CERS3: variants seen among roughly 807,000 people sequenced by gnomAD.
CERS3 encodes the protein ceramide synthase 3.
In CERS3, 33 loss-of-function variants were observed where a neutral mutation model predicts 50.3. That is an observed-to-expected ratio of 0.66 (90% CI 0.50 to 0.88). CERS3 has a LOEUF of 0.88. Ranked by LOEUF, CERS3 falls within the 40% of genes least tolerant of loss-of-function variation. The pLI is 0.00. For synonymous variants in CERS3, 176 were observed against 155.2 expected (o/e 1.13, Z -0.99); for missense variants, 470 against 460.3 (o/e 1.02, Z -0.19).
At chr15:100,491,584 T>C (rs762124754) in intron 3 of CERS3, among the ~76,000 whole-genome samples, 2 of 152,178 alleles carry the variant, frequency 1.3e-5, no homozygotes, top group Non-Finnish European at 2.9e-5. Context: ...ATCTTTATTA[T>C]TTCCTATCTT....
chr15:100,423,812 C>T (rs1401270972), intron 11 of CERS3, among the ~76,000 whole-genome samples: 1 of 152,156 alleles, frequency 6.6e-6, no homozygotes, highest in African/African-American at 2.4e-5. Flanking sequence ...GTGCCTGCTT[C>T]CTCTTCACCT....
chr15:100,470,627 G>A (rs546540492), intron 9 of CERS3, among the ~76,000 whole-genome samples: 10 of 152,214 alleles, frequency 6.6e-5, no homozygotes, highest in Admixed American at 1.3e-4. Context: ...CATTTGTGAG[G>A]GTGAAGTAAC....
chr15:100,467,850 T>TATAGATAGATAGATAGATAGATAG lies in CERS3; in HGVS notation c.845+1504_845+1527dup, dbSNP rs1555528323. Among the ~76,000 whole-genome samples, 92 of 93,138 alleles carry TATAGATAGATAGATAGATAGATAG rather than the reference T, an allele frequency of 9.9e-4. 2 individuals carry two copies. Among genetic ancestry groups the TATAGATAGATAGATAGATAGATAG allele is most frequent in the East Asian group, 5.0e-3 (18 of 3,572 alleles). 61.1% of individuals were successfully genotyped at this position (93,138 alleles called of 152,430 possible). ...ATATATATACGTGTATATATATATATATAGATAGATAGATAGATAGATAGA... is the reference window on the plus strand; with the variant it reads ...ATATATATACGTGTATATATATATATATAGATAGATAGATAGATAGATAGATAGATAGATAGATAGATAGATAGA... On this transcript the variant is annotated intron_variant, in intron 10 of 11. Transcript: ENST00000679737.
chr15:100,450,998 T>G (rs568082441), intron 11 of CERS3, among the ~76,000 whole-genome samples: 14 of 152,278 alleles, frequency 9.2e-5, no homozygotes, highest in African/African-American at 3.1e-4. Flanking sequence ...TTTCCAGATA[T>G]GCAAAAACTA....
chr15:100,508,953 T>A (rs779933559), intron 2 of CERS3, among the ~76,000 whole-genome samples: 6 of 152,220 alleles, frequency 3.9e-5, no homozygotes, highest in Non-Finnish European at 8.8e-5. Flanking sequence ...TTTTAAAATA[T>A]GAAATATTTG....
intron 7 of CERS3, among the ~76,000 whole-genome samples, chr15:100,478,873 G>A (rs1457744188): frequency 1.3e-5 from 2 of 151,974 alleles, no homozygotes; most frequent in Non-Finnish European, 2.9e-5. Context: ...GCACAAAAAG[G>A]GTAACTTGAC....
At chr15:100,470,201 T>C (rs555192614) in intron 9 of CERS3, among the ~76,000 whole-genome samples, 2 of 152,182 alleles carry the variant, frequency 1.3e-5, no homozygotes, top group Non-Finnish European at 2.9e-5. Context: ...AGTGGGAGTC[T>C]GGGAGCAGGA....
At chr15:100,473,123 A>G in intron 8 of CERS3, 71 bp from the exon 9 acceptor site, 1 of 1,468,488 alleles carries the variant, frequency 6.8e-7, no homozygotes, top group Non-Finnish European at 9.2e-7. Flanking sequence ...AGAGATAATC[A>G]TAATAATAAT....
At chr15:100,425,193 C>T (rs2032735157) in intron 11 of CERS3, among the ~76,000 whole-genome samples, 1 of 152,184 alleles carries the variant, frequency 6.6e-6, no homozygotes, top group South Asian at 2.1e-4. Context: ...AGGGCTGGAG[C>T]CCCCACACAG....
At chr15:100,463,435 GAAAAAAA>G (rs71151951) in intron 10 of CERS3, among the ~76,000 whole-genome samples, 14 of 92,654 alleles carry the variant, frequency 1.5e-4, no homozygotes, top group South Asian at 4.5e-4. Context: ...CTCTGTCTCA[GAAAAAAA>G]AAAAAAAAAA....
chr15:100,440,446 C>G (rs2033627590), intron 11 of CERS3, among the ~76,000 whole-genome samples: 1 of 152,186 alleles, frequency 6.6e-6, no homozygotes, highest in South Asian at 2.1e-4. Flanking sequence ...AGAACAAACC[C>G]CCTTTTTCCT....
chr15:100,530,957 G>A (rs1051473006), upstream of CERS3, among the ~76,000 whole-genome samples: 4 of 152,054 alleles, frequency 2.6e-5, no homozygotes, highest in East Asian at 1.9e-4. Context: ...GGTGGTGGGC[G>A]CCTGTAATCC....
chr15:100,499,398 A>C (rs1299566866), intron 3 of CERS3, among the ~76,000 whole-genome samples: 1 of 152,244 alleles, frequency 6.6e-6, no homozygotes, highest in Non-Finnish European at 1.5e-5. Flanking sequence ...AAAACATAAG[A>C]CACAAACTAT....
intron 10 of CERS3, among the ~76,000 whole-genome samples, chr15:100,468,610 C>A (rs1242871625): frequency 6.6e-6 from 1 of 152,092 alleles, no homozygotes; most frequent in Non-Finnish European, 1.5e-5. Flanking sequence ...TTGGAGGATC[C>A]CAAGTTCCCA....
intron 11 of CERS3, among the ~76,000 whole-genome samples, chr15:100,407,446 G>C (rs1319024952): frequency 6.6e-6 from 1 of 152,232 alleles, no homozygotes; most frequent in Non-Finnish European, 1.5e-5. Flanking sequence ...GCAATGTGCT[G>C]ACATTCACAT....
At chr15:100,440,368 C>T (rs1269473721) in intron 11 of CERS3, among the ~76,000 whole-genome samples, 2 of 152,224 alleles carry the variant, frequency 1.3e-5, no homozygotes, top group East Asian at 1.9e-4. Context: ...GAAATTCCTT[C>T]TCCTGGCTCA....
chr15:100,419,258 C>CA (rs2032211643), intron 11 of CERS3, among the ~76,000 whole-genome samples: 1 of 116,718 alleles, frequency 8.6e-6, no homozygotes, highest in African/African-American at 3.2e-5. Flanking sequence ...CAATGGAAAA[C>CA]AAAAAAAGGC....
rs553719102 is a variant in CERS3 at position 100,454,412 on chromosome 15, T to A, written c.999+1481A>T. On this transcript the variant is annotated intron_variant, in intron 11 of 11. Coordinates refer to ENST00000679737, the MANE Select transcript of CERS3 (RefSeq NM_001378789.1). ...CAAAAAAAAAAAAAAAAGATACCAA[T>A]GCCATTTTTCACAGAAATAAAAAAA... 6.4e-5 allele frequency among the ~76,000 whole-genome samples: 8 copies of A among 125,092 alleles called. No homozygotes were observed. The East Asian group carries it at 1.3e-3, about 21-fold the overall frequency. 82.1% of individuals were successfully genotyped at this position (125,092 alleles called of 152,430 possible).
chr15:100,532,528 G>A (rs543508388), upstream of CERS3, among the ~76,000 whole-genome samples: 3 of 152,272 alleles, frequency 2.0e-5, no homozygotes, highest in Non-Finnish European at 4.4e-5. Context: ...CACTTTGGGA[G>A]GCCAACACAG....
Sources: gnomAD v4.1 joint callset for allele counts (sites outside exome capture counted in the v4.1 genomes callset) on GRCh38, gnomAD v4.1.1 for gene constraint, MANE v1.5 for transcripts, NCBI Gene and HGNC (gene_info 2026-07-23, HGNC 2026-07-21) for gene names.